The following PHC2 variants were observed in gnomAD, a reference collection of about 807,000 sequenced individuals.
PHC2 encodes polyhomeotic homolog 2.
In PHC2, 29 loss-of-function variants were observed where a neutral mutation model predicts 87.4. That is an observed-to-expected ratio of 0.33 (90% CI 0.25 to 0.45). The LOEUF (loss-of-function observed/expected upper bound fraction) is 0.45, where lower values mean the gene tolerates loss of function less well. Among genes scored for constraint, PHC2 ranks in the 20% least tolerant of loss-of-function variants. The pLI, the probability that PHC2 is intolerant of heterozygous loss-of-function variation, is 1.00. For synonymous variants in PHC2, 438 were observed against 461.7 expected, an observed-to-expected ratio of 0.95 and a Z score of 0.66; for missense variants, 857 against 1,136.7, an observed-to-expected ratio of 0.75 and a Z score of 3.54.
At chr1:33,325,138 T>A in intron 14 of PHC2, 119 bp from the exon 15 acceptor site, 1 of 1,000,904 alleles carries the variant, frequency 1.0e-6, no homozygotes. Context: ...TTAGTCCTCA[T>A]AACCACGCCT....
intron 1 of PHC2, among the ~76,000 whole-genome samples, chr1:33,405,592 C>T (rs1185445968): frequency 6.6e-6 from 1 of 152,108 alleles, no homozygotes; most frequent in Non-Finnish European, 1.5e-5. Flanking sequence ...TTTATTATTT[C>T]TTTCCTTCTA....
chr1:33,339,742 A>C (rs1182603663), intron 9 of PHC2, among the ~76,000 whole-genome samples: 3 of 152,230 alleles, frequency 2.0e-5, no homozygotes, highest in Non-Finnish European at 4.4e-5. Flanking sequence ...ACTGGAATAC[A>C]GCTTAGTACA....
chr1:33,388,904 G>A (rs1003960890), intron 1 of PHC2, among the ~76,000 whole-genome samples: 2 of 152,086 alleles, frequency 1.3e-5, no homozygotes, highest in African/African-American at 4.8e-5. Context: ...AGGTTGTAAC[G>A]TGGGAGTGCC....
At chr1:33,343,220 T>C (rs556989358) in intron 9 of PHC2, among the ~76,000 whole-genome samples, 1 of 151,856 alleles carries the variant, frequency 6.6e-6, no homozygotes, top group Non-Finnish European at 1.5e-5. Flanking sequence ...CCTAGCACTT[T>C]GGGAGGCTGA....
chr1:33,420,192 T>C (rs1342365302), intron 1 of PHC2, among the ~76,000 whole-genome samples: 1 of 152,206 alleles, frequency 6.6e-6, no homozygotes, highest in African/African-American at 2.4e-5. Flanking sequence ...TATGCAACCA[T>C]GTTTCAAGGC....
intron 3 of PHC2, among the ~76,000 whole-genome samples, chr1:33,371,443 C>G (rs1016296059): frequency 2.6e-5 from 4 of 152,026 alleles, no homozygotes; most frequent in African/African-American, 2.4e-5. Flanking sequence ...ACCATCACAC[C>G]TGGCCACCAC....
intron 12 of PHC2, 23 bp from the exon 13 acceptor site, chr1:33,330,235 G>T (rs1205011059): frequency 6.2e-7 from 1 of 1,612,780 alleles, no homozygotes; most frequent in East Asian, 2.2e-5. Context: ...GGGAACAGGG[G>T]ATGTCACAGT....
chr1:33,380,379 T>C (rs1395479858), intron 1 of PHC2, among the ~76,000 whole-genome samples: 1 of 152,256 alleles, frequency 6.6e-6, no homozygotes, highest in African/African-American at 2.4e-5. Flanking sequence ...TTTCATTCTC[T>C]ATGAATTTGC....
rs577552594 is a variant in PHC2, at chr1:33,332,924, G to A, written c.1762-520C>T. On this transcript the variant is annotated intron_variant, in intron 10 of 14. Coordinates refer to ENST00000683057, the MANE Select transcript of PHC2 (RefSeq NM_001385109.1). The surrounding 1 kb of genome is among the most constrained non-coding windows in gnomAD (Gnocchi z 4.2). The stretch of plus-strand genomic sequence containing the variant: ...ACAGACCCTGGGCCACAGAGCCAAT[G>A]AACTCTCAGTTGTCAGAACCCCAGA... Among the ~76,000 whole-genome samples, 23 of 152,284 alleles carry A rather than the reference G, an allele frequency of 1.5e-4. No individual in the cohort carries two copies. Among genetic ancestry groups the A allele is most frequent in the African/African-American group, 5.5e-4 (23 of 41,548 alleles).
intron 1 of PHC2, among the ~76,000 whole-genome samples, chr1:33,408,785 T>G (rs775877046): frequency 2.0e-5 from 3 of 152,134 alleles, no homozygotes; most frequent in Non-Finnish European, 2.9e-5. Context: ...AGGTTTTAAG[T>G]ATATCTCTCA....
intron 9 of PHC2, chr1:33,353,430 C>T (rs1647010220): frequency 6.6e-6 from 1 of 152,198 alleles, no homozygotes; most frequent in South Asian, 2.1e-4. Context: ...TGTTCAAAAC[C>T]CCTTCTCATC....
intron 9 of PHC2, among the ~76,000 whole-genome samples, chr1:33,343,836 A>G (rs10798939): frequency 0.17 from 25,776 of 152,214 alleles, 2,709 homozygotes; most frequent in Admixed American, 0.29. Context: ...CTGTCCTTGC[A>G]CTGTTGAGGT....
At chr1:33,355,397 G>A (rs570329997) in intron 7 of PHC2, 144 bp from the exon 8 acceptor site, 161 of 726,090 alleles carry the variant, frequency 2.2e-4, no homozygotes, top group Non-Finnish European at 3.3e-4. Flanking sequence ...TTTTCACCCT[G>A]AGCCTGGCCT....
chr1:33,340,495 T>C (rs1272054859), intron 9 of PHC2, among the ~76,000 whole-genome samples: 1 of 152,098 alleles, frequency 6.6e-6, no homozygotes, highest in East Asian at 1.9e-4. Context: ...ACACAGCACA[T>C]ACCTGGTCCA....
chr1:33,341,768 C>T (rs184389718), intron 9 of PHC2, among the ~76,000 whole-genome samples: 118 of 152,304 alleles, frequency 7.7e-4, no homozygotes, highest in African/African-American at 2.7e-3. Flanking sequence ...CAAACGAATG[C>T]CATTTATTTG....
chr1:33,371,935 G>A (rs922330333), intron 3 of PHC2, among the ~76,000 whole-genome samples: 1 of 152,246 alleles, frequency 6.6e-6, no homozygotes, highest in African/African-American at 2.4e-5. Context: ...AAGGAGGAGA[G>A]AGAGCAACAA....
chr1:33,418,456 A>T (rs10914704), intron 1 of PHC2, among the ~76,000 whole-genome samples: 2,713 of 152,260 alleles, frequency 0.018, 73 homozygotes, highest in African/African-American at 0.061. Context: ...AAACAATATT[A>T]TGAACTACTT....
intron 7 of PHC2, among the ~76,000 whole-genome samples, chr1:33,357,481 T>C (rs779466905): frequency 3.3e-5 from 5 of 152,204 alleles, no homozygotes; most frequent in East Asian, 3.8e-4. Context: ...CTGACTGTCG[T>C]AGTCAGAGAG....
chr1:33,421,911 T>A (rs975985041), intron 1 of PHC2, among the ~76,000 whole-genome samples: 19 of 152,190 alleles, frequency 1.2e-4, no homozygotes, highest in African/African-American at 4.6e-4. Context: ...GCGGATCTGA[T>A]CTCGTTACTC....
Sources: allele counts gnomAD v4.1 joint callset (sites outside exome capture counted in the v4.1 genomes callset), GRCh38; gene constraint gnomAD v4.1.1; non-coding constraint Gnocchi (gnomAD v3.1); transcripts MANE v1.5; gene names NCBI Gene and HGNC (gene_info 2026-07-23, HGNC 2026-07-21).